DENND5A: variants seen among roughly 807,000 people sequenced by gnomAD.
The protein encoded by DENND5A is DENN domain containing 5A.
A neutral mutation model predicts 140.3 loss-of-function variants in DENND5A; 64 were observed. That is an observed-to-expected ratio of 0.46 (90% confidence interval 0.37 to 0.56). The LOEUF (loss-of-function observed/expected upper bound fraction) is 0.56, where lower values mean the gene tolerates loss of function less well. Among genes scored for constraint, DENND5A ranks in the 20% least tolerant of loss-of-function variants. The probability of loss-of-function intolerance (pLI) is 0.00; values close to 1 mark genes in which losing one functional copy is unlikely to be tolerated. For synonymous variants in DENND5A, 605 were observed against 607.7 expected (o/e 1.00, Z 0.07); for missense variants, 1,292 against 1,593.8 (o/e 0.81, Z 3.22).
At chr11:9,246,836 A>G (rs1851493900) in intron 1 of DENND5A, among the ~76,000 whole-genome samples, 1 of 152,116 alleles carries the variant, frequency 6.6e-6, no homozygotes, top group South Asian at 2.1e-4. Context: ...ACTTCAAGAC[A>G]GCGCTTCCTT....
intron 4 of DENND5A, among the ~76,000 whole-genome samples, chr11:9,198,237 T>C (rs189262084): frequency 2.6e-4 from 39 of 151,550 alleles, no homozygotes; most frequent in Admixed American, 2.6e-3. Flanking sequence ...AATAAAAAAC[T>C]AGGGAACACT....
chr11:9,188,925 T>C (rs1849014343), intron 5 of DENND5A, among the ~76,000 whole-genome samples: 1 of 152,206 alleles, frequency 6.6e-6, no homozygotes, highest in Non-Finnish European at 1.5e-5. Context: ...GAAATTTACA[T>C]AAGTAACAAG....
chr11:9,235,154 T>C (rs1045424241), intron 1 of DENND5A, among the ~76,000 whole-genome samples: 4 of 152,150 alleles, frequency 2.6e-5, no homozygotes, highest in African/African-American at 7.2e-5. Flanking sequence ...CATAAACAGG[T>C]GTTCAGACAG....
chr11:9,204,410 T>C, intron 3 of DENND5A, 93 bp from the exon 4 acceptor site: 1 of 1,244,112 alleles, frequency 8.0e-7, no homozygotes, highest in Non-Finnish European at 1.1e-6. Context: ...ATAGAGCACC[T>C]ACTAAGCTGA....
intron 1 of DENND5A, among the ~76,000 whole-genome samples, chr11:9,240,555 C>A (rs1851193100): frequency 6.6e-6 from 1 of 151,732 alleles, no homozygotes; most frequent in Non-Finnish European, 1.5e-5. Flanking sequence ...AGAAAAAAGA[C>A]AAAAAATATA....
intron 8 of DENND5A, among the ~76,000 whole-genome samples, chr11:9,174,513 TTTC>T (rs1344390118): frequency 2.4e-4 from 33 of 138,054 alleles, no homozygotes; most frequent in Non-Finnish European, 9.6e-5. Flanking sequence ...AAGAAGGTTA[TTTC>T]TTTTTTTTTT....
intron 17 of DENND5A, 76 bp downstream of exon 17, chr11:9,145,594 A>G (rs1314760658): frequency 6.6e-7 from 1 of 1,510,814 alleles, no homozygotes; most frequent in African/African-American, 1.4e-5. Flanking sequence ...CCTCTGAAAA[A>G]CCCTGCAGAA....
chr11:9,184,195 G>A (rs1191203712), intron 5 of DENND5A, among the ~76,000 whole-genome samples: 1 of 151,622 alleles, frequency 6.6e-6, no homozygotes, highest in Admixed American at 6.6e-5. Context: ...TACTAAAAAT[G>A]CAAAAAAATT....
At position 9,207,482 on chromosome 11, in the gene DENND5A, G is replaced by A; in HGVS notation, c.181+79C>T. The A allele has an allele frequency of 4.5e-6, 5 of 1,099,594 alleles. No individual in the cohort carries two copies. In the South Asian group the frequency reaches 5.2e-5, roughly 11 times the overall value. The allele number at this position is 1,099,594 out of a possible 1,614,324, so 68.1% of individuals were successfully genotyped here. ...GCACAAGAAAGTTAGAAGGTCAAAGGTTACAAAATGCCACTGGAGAGATAT... is the reference window on the plus strand; with the variant it reads ...GCACAAGAAAGTTAGAAGGTCAAAGATTACAAAATGCCACTGGAGAGATAT... On this transcript the variant is annotated intron_variant, in intron 2 of 22. Coordinates refer to ENST00000328194, the MANE Select transcript of DENND5A (RefSeq NM_015213.4).
At chr11:9,260,388 T>A (rs1321230595) in intron 1 of DENND5A, among the ~76,000 whole-genome samples, 1 of 152,094 alleles carries the variant, frequency 6.6e-6, no homozygotes, top group East Asian at 1.9e-4. Context: ...GTGGTGACCA[T>A]CAGAAACAAA....
chr11:9,165,708 A>T, intron 11 of DENND5A, 128 bp downstream of exon 11: 2 of 1,143,818 alleles, frequency 1.7e-6, no homozygotes, highest in South Asian at 1.4e-5. Context: ...TGTTGGGATT[A>T]CAGGCATGAG....
chr11:9,230,869 G>C (rs1334758147), intron 1 of DENND5A, among the ~76,000 whole-genome samples: 2 of 152,018 alleles, frequency 1.3e-5, no homozygotes, highest in African/African-American at 2.4e-5. Context: ...CACATTTGTA[G>C]TCCCAGCTGC....
At chr11:9,237,805 C>T (rs983703906) in intron 1 of DENND5A, among the ~76,000 whole-genome samples, 1 of 152,116 alleles carries the variant, frequency 6.6e-6, no homozygotes, top group African/African-American at 2.4e-5. Context: ...ATCGCTTGAA[C>T]CCAGGAAGCA....
chr11:9,240,284 C>G (rs1443067569), intron 1 of DENND5A, among the ~76,000 whole-genome samples: 1 of 152,104 alleles, frequency 6.6e-6, no homozygotes, highest in Non-Finnish European at 1.5e-5. Flanking sequence ...ATCCCAGCTA[C>G]TCGTTGAGGC....
chr11:9,154,387 A>T (rs901370669), intron 12 of DENND5A, among the ~76,000 whole-genome samples: 2 of 152,192 alleles, frequency 1.3e-5, no homozygotes, highest in Non-Finnish European at 2.9e-5. Context: ...TTCTGAAAAG[A>T]TCATTTAACT....
intron 16 of DENND5A, among the ~76,000 whole-genome samples, chr11:9,146,467 G>A (rs1847433914): frequency 6.6e-6 from 1 of 152,126 alleles, no homozygotes; most frequent in Non-Finnish European, 1.5e-5. Context: ...AGACCATATT[G>A]AACCCTCTTC....
intron 8 of DENND5A, chr11:9,171,350 C>T (rs1417336249): frequency 2.6e-5 from 4 of 153,024 alleles, no homozygotes; most frequent in East Asian, 1.9e-4. Flanking sequence ...AACCTAATCA[C>T]TCATGGGGCA....
chr11:9,197,311 A>AAT (rs1377284213), intron 4 of DENND5A, among the ~76,000 whole-genome samples: 5 of 149,222 alleles, frequency 3.4e-5, no homozygotes, highest in African/African-American at 1.2e-4. Context: ...TCTCAAAAAA[A>AAT]ATATATATAT....
At chr11:9,252,071 G>A (rs867923425) in intron 1 of DENND5A, among the ~76,000 whole-genome samples, 8 of 151,178 alleles carry the variant, frequency 5.3e-5, no homozygotes, top group East Asian at 1.9e-4. Context: ...AGGCCGAGGC[G>A]GGCGGATCAC....
Sources: allele counts gnomAD v4.1 joint callset (sites outside exome capture counted in the v4.1 genomes callset), GRCh38; gene constraint gnomAD v4.1.1; transcripts MANE v1.5; gene names NCBI Gene and HGNC (gene_info 2026-07-23, HGNC 2026-07-21).